DMD: variants seen among roughly 807,000 people sequenced by gnomAD.
The protein encoded by DMD is dystrophin.
A neutral mutation model predicts 330.1 loss-of-function variants in DMD; 63 were observed. The observed-to-expected ratio is 0.19, with a 90% confidence interval of 0.16 to 0.24. DMD has a LOEUF of 0.24. Ranked by LOEUF, DMD falls within the 10% of genes least tolerant of loss-of-function variation. The pLI is 1.00. For missense variants in DMD, 3,344 were observed against 2,684.1 expected, an observed-to-expected ratio of 1.25 and a Z score of -5.43; for synonymous variants, 1,223 against 959.8, an observed-to-expected ratio of 1.27 and a Z score of -5.07.
chrX:32,060,754 T>C (rs186719773), intron 44 of DMD, among the ~76,000 whole-genome samples: 28 of 111,546 alleles, frequency 2.5e-4, no homozygotes, highest in African/African-American at 9.1e-4. Flanking sequence ...AAGGAGATAA[T>C]TTGTGACTAA....
chrX:32,341,564 T>C (rs930815603), intron 41 of DMD, among the ~76,000 whole-genome samples: 9 of 112,002 alleles, frequency 8.0e-5, no homozygotes, highest in African/African-American at 2.6e-4. Context: ...TTACTAGGCA[T>C]CCAGTTCTTT....
chrX:32,956,805 C>A (rs1042069935), intron 2 of DMD, among the ~76,000 whole-genome samples: 2 of 111,007 alleles, frequency 1.8e-5, no homozygotes, highest in Admixed American at 9.7e-5. Context: ...CACAGCATTC[C>A]TTAAATAGAC....
intron 53 of DMD, among the ~76,000 whole-genome samples, chrX:31,671,928 C>T (rs994188815): frequency 2.7e-5 from 3 of 110,955 alleles, no homozygotes; most frequent in Non-Finnish European, 5.7e-5. Flanking sequence ...ATTGTTATTA[C>T]TTCCTGCTGC....
intron 30 of DMD, among the ~76,000 whole-genome samples, chrX:32,410,927 G>A (rs763057777): frequency 5.4e-5 from 6 of 111,088 alleles, no homozygotes; most frequent in South Asian, 3.8e-4. Context: ...TTATATTTTC[G>A]TTTGAATGAA....
chrX:32,444,189 C>T (rs1374271057), intron 27 of DMD, among the ~76,000 whole-genome samples: 2 of 110,327 alleles, frequency 1.8e-5, no homozygotes, highest in Non-Finnish European at 3.8e-5. Flanking sequence ...TAGAACATCC[C>T]TAGCCATTGG....
intron 54 of DMD, among the ~76,000 whole-genome samples, chrX:31,638,558 A>G (rs917953727): frequency 8.9e-6 from 1 of 112,566 alleles, no homozygotes; most frequent in African/African-American, 3.2e-5. Flanking sequence ...ACTTATTCAC[A>G]AGAGTATAAC....
chrX:32,774,408 C>T (rs1037605552), intron 7 of DMD, among the ~76,000 whole-genome samples: 6 of 111,664 alleles, frequency 5.4e-5, no homozygotes, highest in African/African-American at 2.0e-4. Flanking sequence ...AGTTCTATCA[C>T]TTAGTATACT....
At chrX:31,671,037 T>A (rs1369820618) in intron 53 of DMD, among the ~76,000 whole-genome samples, 5 of 110,981 alleles carry the variant, frequency 4.5e-5, no homozygotes, top group Non-Finnish European at 5.7e-5. Flanking sequence ...CTCAGCCTCC[T>A]GAGTAGCTGG....
At chrX:31,219,941 A>C (rs1281999124) in intron 64 of DMD, among the ~76,000 whole-genome samples, 1 of 110,712 alleles carries the variant, frequency 9.0e-6, no homozygotes, top group African/African-American at 3.3e-5. Flanking sequence ...AGATTACACT[A>C]TTATATATTT....
intron 55 of DMD, among the ~76,000 whole-genome samples, chrX:31,569,046 A>G (rs954863291): frequency 1.3e-4 from 15 of 111,557 alleles, no homozygotes; most frequent in Non-Finnish European, 2.5e-4. Flanking sequence ...GTCTTCTTTT[A>G]AAATATAACT....
Position 31,743,320 on chromosome X carries a change from T to C in DMD, c.7543-13572A>G, listed in dbSNP as rs189689470. Among the ~76,000 whole-genome samples the C allele has an allele frequency of 4.3e-4, 48 of 112,585 alleles. No homozygotes were observed. The East Asian group carries it at 0.012, about 29-fold the overall frequency. ...CAAAGGACTTAAAACACAACTATCGTTCAACCTAGTGATCCCATTACTGGG... is the reference window on the plus strand; with the variant it reads ...CAAAGGACTTAAAACACAACTATCGCTCAACCTAGTGATCCCATTACTGGG... On this transcript the variant is annotated intron_variant, in intron 51 of 78. Transcript: ENST00000357033.
At chrX:32,480,374 ATGTGTGTGTG>A (rs113099165) in intron 21 of DMD, among the ~76,000 whole-genome samples, 48 of 102,942 alleles carry the variant, frequency 4.7e-4, no homozygotes, top group African/African-American at 1.2e-3. Context: ...AATTTTATAA[ATGTGTGTGTG>A]TGTGTGTGTG....
intron 1 of DMD, among the ~76,000 whole-genome samples, chrX:33,122,211 TGA>T (rs1392004313): frequency 1.8e-5 from 2 of 111,220 alleles, no homozygotes; most frequent in African/African-American, 6.6e-5. Context: ...GGTGACAGAG[TGA>T]GACTCCGTCT....
At chrX:31,839,190 A>G (rs975566221) in intron 48 of DMD, among the ~76,000 whole-genome samples, 2 of 111,638 alleles carry the variant, frequency 1.8e-5, no homozygotes, top group Non-Finnish European at 3.8e-5. Context: ...AAACTGTTCC[A>G]ACTCCTTTGC....
At chrX:31,961,775 G>T (rs867791997) in intron 45 of DMD, among the ~76,000 whole-genome samples, 270 of 68,999 alleles carry the variant, frequency 3.9e-3, no homozygotes, top group Middle Eastern at 8.1e-3. Flanking sequence ...TTTGTTCTTT[G>T]TTTTTTTTTT....
At chrX:31,396,370 C>CTCG (rs2060938394) in intron 60 of DMD, among the ~76,000 whole-genome samples, 1 of 110,465 alleles carries the variant, frequency 9.1e-6, no homozygotes, top group Non-Finnish European at 1.9e-5. Flanking sequence ...ATCTCCTGAC[C>CTCG]TCGTGATCCG....
At position 32,464,674 on chromosome X, in the gene DMD, C is replaced by A; in HGVS notation, c.3188G>T (p.Trp1063Leu). 1 of 1,206,679 alleles carries A rather than the reference C, an allele frequency of 8.3e-7. No individual in the cohort carries two copies. Among genetic ancestry groups the A allele is most frequent in the African/African-American group, 1.7e-5 (1 of 57,586 alleles). The change falls in exon 24 of 79, where the codon TGG becomes TTG. Residue 1063 changes from tryptophan to leucine, a missense_variant. Trp to Leu is a moderately conservative substitution (Grantham distance 61, BLOSUM62 -2). Coordinates refer to ENST00000357033, the MANE Select transcript of DMD (RefSeq NM_004006.3). ...IQNHIQTLKK[W>L]MAEVDVFLKE... ...CAGAAAAACATCAACTTCAGCCATCCATTTCTTCAGGGTTTGTATGTGATT... is the reference window on the plus strand; with the variant it reads ...CAGAAAAACATCAACTTCAGCCATCAATTTCTTCAGGGTTTGTATGTGATT...
intron 55 of DMD, among the ~76,000 whole-genome samples, chrX:31,603,388 G>GA (rs1261190209): frequency 4.5e-5 from 5 of 110,665 alleles, no homozygotes; most frequent in African/African-American, 9.8e-5. Flanking sequence ...TCAAGCAAAA[G>GA]AAAAAAAACA....
chrX:32,799,761 A>T (rs1440137156), intron 7 of DMD, among the ~76,000 whole-genome samples: 1 of 110,911 alleles, frequency 9.0e-6, no homozygotes. Flanking sequence ...AAAGAGATAT[A>T]CCTATTATCT....
Sources: allele counts gnomAD v4.1 joint callset (sites outside exome capture counted in the v4.1 genomes callset), GRCh38; gene constraint gnomAD v4.1.1; transcripts MANE v1.5; gene names NCBI Gene and HGNC (gene_info 2026-07-23, HGNC 2026-07-21).